Variants in ZNF681 observed in about 807,000 individuals in gnomAD.
ZNF681 encodes the protein hypothetical protein FLJ31526.
In ZNF681, 37 loss-of-function variants were observed where a neutral mutation model predicts 56.0. The observed-to-expected ratio is 0.66, with a 90% CI of 0.51 to 0.87. The LOEUF is 0.87. Among genes scored for constraint, ZNF681 ranks in the 40% least tolerant of loss-of-function variants. The pLI is 0.00. For missense variants in ZNF681, 741 were observed against 744.9 expected, an observed-to-expected ratio of 0.99 and a Z score of 0.06; for synonymous variants, 225 against 248.6, an observed-to-expected ratio of 0.91 and a Z score of 0.89.
intron 3 of ZNF681, among the ~76,000 whole-genome samples, chr19:23,752,992 G>A (rs1481635147): frequency 6.6e-6 from 1 of 152,132 alleles, no homozygotes; most frequent in Non-Finnish European, 1.5e-5. Context: ...TATATATAGA[G>A]TACATTAAAT....
chr19:23,752,624 A>T (rs1337487298), intron 3 of ZNF681, among the ~76,000 whole-genome samples: 2 of 152,184 alleles, frequency 1.3e-5, no homozygotes, highest in African/African-American at 4.8e-5. Flanking sequence ...ACAACTACCC[A>T]AGCCCCTTGT....
intron 1 of ZNF681, among the ~76,000 whole-genome samples, chr19:23,757,872 C>T (rs1318911377): frequency 6.6e-6 from 1 of 151,984 alleles, no homozygotes; most frequent in Non-Finnish European, 1.5e-5. Flanking sequence ...ATCCTTAAAT[C>T]TCAGAGTTTG....
In ZNF681 at chr19:23,742,873, A is replaced by C. The variant is rs1198536032; in HGVS notation, c.*739T>G. On this transcript the variant is annotated 3_prime_UTR_variant, in exon 4 of 4. Coordinates refer to ENST00000402377, the MANE Select transcript of ZNF681 (RefSeq NM_138286.3). The stretch of plus-strand genomic sequence containing the variant: ...TTGAATGTAGTTACAACTCTGCAAA[A>C]ATTTTCTACTTCTTATAATGTTATA... The C allele has an allele frequency of 1.3e-5, 2 of 152,120 alleles. No individual in the cohort carries two copies. Among genetic ancestry groups the C allele is most frequent in the Non-Finnish European group, 2.9e-5 (2 of 68,018 alleles). The allele number at this position is 152,120 out of a possible 1,614,324, so 9.4% of individuals were successfully genotyped here. A position where few individuals can be genotyped will look rare whatever the true frequency, so the allele number is the denominator to read the frequency against.
Position 23,744,169 on chromosome 19 carries a change from G to C in ZNF681, c.1381C>G (p.Gln461Glu). The C allele has an allele frequency of 1.2e-6, 2 of 1,613,346 alleles. No homozygotes were observed. Among genetic ancestry groups the C allele is most frequent in the East Asian group, 4.5e-5 (2 of 44,824 alleles). Residue 461 changes from glutamine to glutamate, a missense_variant, in exon 4 of 4, where the codon CAG becomes GAG. Physicochemically the swap from Gln to Glu is conservative, Grantham distance 29 (BLOSUM62 2). Coordinates refer to ENST00000402377, the MANE Select transcript of ZNF681 (RefSeq NM_138286.3). Reference sequence around the variant, plus strand: ...TTATGTGTAGTAAGGTTTGAGAACTGGTTAAAGGCTTTCCCACATTCTTCA... The same window carrying C: ...TTATGTGTAGTAAGGTTTGAGAACTCGTTAAAGGCTTTCCCACATTCTTCA... ...KCEECGKAFN[Q>E]FSNLTTHKRI... is the part of the protein sequence containing the mutation.
chr19:23,754,945 A>C (rs1431175587), intron 2 of ZNF681, 27 bp from the exon 3 acceptor site: 15 of 1,584,766 alleles, frequency 9.5e-6, no homozygotes, highest in African/African-American at 6.7e-5. Flanking sequence ...AAATAACATA[A>C]ATCTTGCTTA....
chr19:23,740,623 C>T lies in ZNF681; in HGVS notation c.*2989G>A, dbSNP rs1251817839. The T allele has an allele frequency of 1.3e-5, 2 of 151,716 alleles. No individual in the cohort carries two copies. Among genetic ancestry groups the T allele is most frequent in the African/African-American group, 4.8e-5 (2 of 41,400 alleles). The allele number at this position is 151,716 out of a possible 1,614,324, so 9.4% of individuals were successfully genotyped here. A position where few individuals can be genotyped will look rare whatever the true frequency, so the allele number is the denominator to read the frequency against. On this transcript the variant is annotated 3_prime_UTR_variant, in exon 4 of 4. Transcript: ENST00000402377. Reference sequence around the variant, plus strand: ...TGTTTGCTATATTTATATATAAAAACATCCTCATGATTTAGGAAGCCCCCC... The same window carrying T: ...TGTTTGCTATATTTATATATAAAAATATCCTCATGATTTAGGAAGCCCCCC...
intron 1 of ZNF681, among the ~76,000 whole-genome samples, chr19:23,756,097 G>A (rs565572816): frequency 1.3e-4 from 20 of 152,082 alleles, no homozygotes; most frequent in Non-Finnish European, 2.5e-4. Flanking sequence ...AGGCTGAGGC[G>A]GGTGGATCAT....
In ZNF681 at chr19:23,758,824, G is replaced by T; in HGVS notation, c.-75C>A. The T allele has an allele frequency of 6.3e-7, 1 of 1,595,954 alleles. No homozygotes were observed. ...TGCAGGTCAGAGGGCCATAGAGGCT[G>T]GGCCTCTAGAAGAAGAGGACACAGA... On this transcript the variant is annotated 5_prime_UTR_variant, in exon 1 of 4. Coordinates refer to ENST00000402377, the MANE Select transcript of ZNF681 (RefSeq NM_138286.3).
At chr19:23,758,325 C>G (rs1969154850) in intron 1 of ZNF681, among the ~76,000 whole-genome samples, 1 of 152,166 alleles carries the variant, frequency 6.6e-6, no homozygotes, top group Non-Finnish European at 1.5e-5. Flanking sequence ...TCCCAAAGTG[C>G]TGGAATTACA....
In ZNF681 at chr19:23,744,835, T is replaced by C; in HGVS notation, c.715A>G (p.Thr239Ala). 1.2e-6 allele frequency: 2 copies of C among 1,609,242 alleles called. No individual in the cohort carries two copies. The highest frequency in any genetic ancestry group is 1.7e-6 in the Non-Finnish European group (2 of 1,178,458). The change falls in exon 4 of 4, where the codon ACA (threonine) becomes GCA (alanine). Residue 239 changes from threonine (T) to alanine (A), a missense_variant. Transcript: ENST00000402377. ...ATTATCTTATGTGTAGTAAGGTTTG[T>C]GAACTGGTTACAGGCTTTGCCACAT... is the stretch of plus-strand genomic sequence containing the variant. ...EECGKACNQF[T>A]NLTTHKIIYT...
intron 3 of ZNF681, among the ~76,000 whole-genome samples, chr19:23,746,410 G>A (rs1049239623): frequency 3.3e-5 from 5 of 152,134 alleles, no homozygotes; most frequent in African/African-American, 1.2e-4. Flanking sequence ...CTTCTGGTGA[G>A]GGTCTCACAA....
intron 3 of ZNF681, among the ~76,000 whole-genome samples, chr19:23,747,945 A>T (rs996745069): frequency 6.6e-6 from 1 of 152,060 alleles, no homozygotes; most frequent in Admixed American, 6.6e-5. Flanking sequence ...TCAAAAAATC[A>T]TGTTGAAAAC....
chr19:23,744,854 G>T lies in ZNF681; in HGVS notation c.696C>A (p.Gly232=). The stretch of plus-strand genomic sequence containing the variant: ...GGTTTGTGAACTGGTTACAGGCTTT[G>T]CCACATTCTTCACATATGTACGATT... ...GEKSYICEEC[G]KACNQFTNLT... Residue 232 remains glycine (G), a synonymous_variant, in exon 4 of 4, where the codon GGC becomes GGA. Transcript: ENST00000402377. 6.2e-7 allele frequency: 1 copy of T among 1,613,350 alleles called. No homozygotes were observed. The highest frequency in any genetic ancestry group is 8.5e-7 in the Non-Finnish European group (1 of 1,179,718).
chr19:23,744,852 T>C lies in ZNF681; in HGVS notation c.698A>G (p.Lys233Arg). ...EKSYICEECG[K>R]ACNQFTNLTT... ...AAGGTTTGTGAACTGGTTACAGGCT[T>C]TGCCACATTCTTCACATATGTACGA... Residue 233 changes from lysine (K) to arginine (R), a missense_variant, in exon 4 of 4, where the codon AAA (lysine) becomes AGA (arginine). By Grantham distance (26) the Lys-to-Arg change is conservative. Coordinates refer to ENST00000402377, the MANE Select transcript of ZNF681 (RefSeq NM_138286.3). The C allele has an allele frequency of 6.2e-7, 1 of 1,613,608 alleles. No individual in the cohort carries two copies. Among genetic ancestry groups the C allele is most frequent in the African/African-American group, 1.3e-5 (1 of 75,050 alleles).
chr19:23,744,867 C>T lies in ZNF681; in HGVS notation c.683G>A (p.Cys228Tyr), dbSNP rs765251249. The T allele has an allele frequency of 6.2e-7, 1 of 1,613,230 alleles. No homozygotes were observed. Among genetic ancestry groups the T allele is most frequent in the Admixed American group, 1.7e-5 (1 of 59,878 alleles). Residue 228 changes from cysteine (C) to tyrosine (Y), a missense_variant, in exon 4 of 4, where the codon TGT becomes TAT. By Grantham distance (194) the Cys-to-Tyr change is radical. Transcript: ENST00000402377. ...GTTACAGGCTTTGCCACATTCTTCA[C>T]ATATGTACGATTTCTCTCCAATATG... ...RIHIGEKSYI[C>Y]EECGKACNQF... is the part of the protein sequence containing the mutation.
chr19:23,755,049 A>C, intron 2 of ZNF681, 131 bp from the exon 3 acceptor site: 1 of 621,150 alleles, frequency 1.6e-6, no homozygotes, highest in Non-Finnish European at 2.6e-6. Flanking sequence ...TTTATAAAAG[A>C]AATTTCTAAA....
rs758686874 is a variant in ZNF681, at chr19:23,744,231, T to C, written c.1319A>G (p.His440Arg). 3.7e-6 allele frequency: 6 copies of C among 1,613,628 alleles called. No homozygotes were observed. The African/African-American group carries it at 8.0e-5, about 22-fold the overall frequency. ...ASNQSSNLTE[H>R]KNIHTEEKPY... ...TTTCTCTTCAGTATGAATATTCTTA[T>C]GTTCAGTAAGGTTTGAGGATTGGTT... The change falls in exon 4 of 4, where the codon CAT becomes CGT. Residue 440 changes from histidine to arginine, a missense_variant. Coordinates refer to ENST00000402377, the MANE Select transcript of ZNF681 (RefSeq NM_138286.3).
At position 23,744,616 on chromosome 19, in the gene ZNF681, A is replaced by G; in HGVS notation, c.934T>C (p.Tyr312His). ...TTGAAAGCTTTGCCACATTCCTTAT[A>G]TTCATTGAGTTTCTCTCTGGTATGA... is the stretch of plus-strand genomic sequence containing the variant. ...IIHTREKLNEYKECGKAFNQS... is the reference protein window; with the variant it reads ...IIHTREKLNEHKECGKAFNQS... The change falls in exon 4 of 4, where the codon TAT becomes CAT. Residue 312 changes from tyrosine (Y) to histidine (H), a missense_variant. By Grantham distance (83) the Tyr-to-His change is moderately conservative. Coordinates refer to ENST00000402377, the MANE Select transcript of ZNF681 (RefSeq NM_138286.3). The G allele has an allele frequency of 6.2e-7, 1 of 1,614,018 alleles. No individual in the cohort carries two copies. Among genetic ancestry groups the G allele is most frequent in the Non-Finnish European group, 8.5e-7 (1 of 1,179,964 alleles).
At position 23,745,207 on chromosome 19, in the gene ZNF681, T is replaced by C; in HGVS notation, c.343A>G (p.Lys115Glu). ...TGCACTTTGCACTCATCCACACTTT[T>C]ACTTAACTGTAAATTCTCATGTTCA... Reference protein sequence around the residue: ...KCEHENLQLSKSVDECKVQKG... With the variant: ...KCEHENLQLSESVDECKVQKG... Residue 115 changes from lysine (K) to glutamate (E), a missense_variant, in exon 4 of 4, where the codon AAA (lysine) becomes GAA (glutamate). By Grantham distance (56) the Lys-to-Glu change is moderately conservative. Coordinates refer to ENST00000402377, the MANE Select transcript of ZNF681 (RefSeq NM_138286.3). 1.1e-5 allele frequency: 18 copies of C among 1,612,494 alleles called. No homozygotes were observed. Among genetic ancestry groups the C allele is most frequent in the Non-Finnish European group, 1.4e-5 (17 of 1,179,628 alleles).
Sources: gnomAD v4.1 joint callset for allele counts (sites outside exome capture counted in the v4.1 genomes callset) on GRCh38, gnomAD v4.1.1 for gene constraint, MANE v1.5 for transcripts, NCBI Gene and HGNC (gene_info 2026-07-23, HGNC 2026-07-21) for gene names.